METTL8: variants seen among roughly 807,000 people sequenced by gnomAD.
METTL8 encodes tRNA N(3)-cytidine methyltransferase METTL8, mitochondrial.
Under a neutral mutation model 48.7 loss-of-function variants are expected in METTL8, and 32 were observed. The observed-to-expected ratio is 0.66, with a 90% CI of 0.50 to 0.88. The LOEUF (loss-of-function observed/expected upper bound fraction) is 0.88, where lower values mean the gene tolerates loss of function less well. Ranked by LOEUF, METTL8 falls within the 40% of genes least tolerant of loss-of-function variation. METTL8 has a pLI of 0.00. For synonymous variants in METTL8, 136 were observed against 157.1 expected (o/e 0.87, Z 1.01); for missense variants, 464 against 474.4 (o/e 0.98, Z 0.20).
chr2:171,340,340 A>G (rs1042421177), intron 3 of METTL8, among the ~76,000 whole-genome samples: 3 of 151,712 alleles, frequency 2.0e-5, no homozygotes, highest in Non-Finnish European at 4.4e-5. Context: ...CATCTCTACT[A>G]AAAAAATAAA....
At chr2:171,431,168 G>A (rs1182141666) in intron 1 of METTL8, among the ~76,000 whole-genome samples, 1 of 152,198 alleles carries the variant, frequency 6.6e-6, no homozygotes, top group Non-Finnish European at 1.5e-5. Context: ...TACACCAGAT[G>A]TTTTGTGCAC....
chr2:171,384,617 C>T (rs1687870946), intron 2 of METTL8, among the ~76,000 whole-genome samples: 1 of 152,014 alleles, frequency 6.6e-6, no homozygotes, highest in South Asian at 2.1e-4. Context: ...ACTGCTTCAG[C>T]CTAGGAGTTC....
intron 1 of METTL8, among the ~76,000 whole-genome samples, chr2:171,404,396 C>A (rs1402642195): frequency 6.6e-6 from 1 of 151,932 alleles, no homozygotes; most frequent in Non-Finnish European, 1.5e-5. Context: ...ATGACGGTGT[C>A]AATGGCTGGC....
At chr2:171,357,702 T>C (rs550538771) in intron 3 of METTL8, among the ~76,000 whole-genome samples, 1 of 148,230 alleles carries the variant, frequency 6.7e-6, no homozygotes, top group African/African-American at 2.4e-5. Flanking sequence ...TTCTCTCTCT[T>C]TTTTTTTTTT....
At chr2:171,367,173 G>T (rs1685818624) in intron 2 of METTL8, among the ~76,000 whole-genome samples, 1 of 151,618 alleles carries the variant, frequency 6.6e-6, no homozygotes, top group South Asian at 2.1e-4. Context: ...GAAGAAAGAA[G>T]AAAAAGAAAT....
intron 2 of METTL8, among the ~76,000 whole-genome samples, chr2:171,387,127 A>AGCCT (rs55952977): frequency 1 from 151,966 of 152,298 alleles, 75,817 homozygotes; most frequent in Middle Eastern, 1. Flanking sequence ...GGATACAGAA[A>AGCCT]TCTGTCTTTA....
chr2:171,339,328 A>AT lies in METTL8; in HGVS notation c.461dup (p.Asn154LysfsTer4), dbSNP rs1268086760. 4 of 1,612,530 alleles carry AT rather than the reference A, an allele frequency of 2.5e-6. No individual in the cohort carries two copies. The highest frequency in any genetic ancestry group is 2.7e-5 in the African/African-American group (2 of 74,830). On this transcript the variant is annotated frameshift_variant, in exon 4 of 10. Transcript: ENST00000375258. LOFTEE classifies it high-confidence loss of function. ...AAGAACCAGAACTTTTCTCATAATGATTTTTTTCATCAGGCACAGTAGGAC... is the reference window on the plus strand; with the variant it reads ...AAGAACCAGAACTTTTCTCATAATGATTTTTTTTCATCAGGCACAGTAGGAC...
At position 171,320,403 on chromosome 2, in the gene METTL8, C is replaced by A. The variant is rs561803751; in HGVS notation, c.*3769G>T. On this transcript the variant is annotated 3_prime_UTR_variant, in exon 10 of 10. Transcript: ENST00000375258. ...TGCTGTAATACATTATAGAAAGACACGAAGCCGAATTTTACTGTGCCAGTC... is the reference window on the plus strand; with the variant it reads ...TGCTGTAATACATTATAGAAAGACAAGAAGCCGAATTTTACTGTGCCAGTC... The A allele has an allele frequency of 6.6e-6, 1 of 152,214 alleles. No individual in the cohort carries two copies. The highest frequency in any genetic ancestry group is 6.5e-5 in the Admixed American group (1 of 15,278). The allele number at this position is 152,214 out of a possible 1,614,324, so 9.4% of individuals were successfully genotyped here. A position where few individuals can be genotyped will look rare whatever the true frequency, so the allele number is the denominator to read the frequency against.
intron 1 of METTL8, among the ~76,000 whole-genome samples, chr2:171,419,349 T>C (rs1691650326): frequency 6.6e-6 from 1 of 152,172 alleles, no homozygotes; most frequent in Non-Finnish European, 1.5e-5. Context: ...TTCATCTGTA[T>C]CTATATTAAA....
Position 171,331,879 on chromosome 2 carries a change from G to A in METTL8, c.657-12C>T. 1 of 1,573,768 alleles carries A rather than the reference G, an allele frequency of 6.4e-7. No individual in the cohort carries two copies. The highest frequency in any genetic ancestry group is 1.2e-5 in the South Asian group (1 of 86,352). The stretch of plus-strand genomic sequence containing the variant: ...ACTCCGGAGAGTTCCTATGAAGATG[G>A]AAGAAATATTTATTTATTTTTTTGG... On this transcript the variant is annotated splice_polypyrimidine_tract_variant and intron_variant, in intron 5 of 9. Transcript: ENST00000375258.
chr2:171,425,104 G>A (rs1157148980), intron 1 of METTL8, among the ~76,000 whole-genome samples: 1 of 152,092 alleles, frequency 6.6e-6, no homozygotes, highest in Non-Finnish European at 1.5e-5. Flanking sequence ...GAAGAAGGGT[G>A]TGTTTGCTTC....
At chr2:171,326,172 G>C in intron 7 of METTL8, 24 bp from the exon 8 acceptor site, 4 of 1,258,062 alleles carry the variant, frequency 3.2e-6, no homozygotes, top group Non-Finnish European at 4.5e-6. Flanking sequence ...GTATTAAAAA[G>C]ATACCCAGTT....
intron 1 of METTL8, among the ~76,000 whole-genome samples, chr2:171,414,372 G>A (rs150681889): frequency 0.079 from 11,972 of 150,622 alleles, 535 homozygotes; most frequent in Non-Finnish European, 0.1. Context: ...AGCTGAGATC[G>A]CACCACTGCA....
intron 3 of METTL8, among the ~76,000 whole-genome samples, chr2:171,347,542 C>T (rs907865561): frequency 1.3e-5 from 2 of 152,120 alleles, no homozygotes. Context: ...GCAAAAAAAT[C>T]CTTGGTTTTT....
At chr2:171,371,804 A>G (rs894908419) in intron 2 of METTL8, among the ~76,000 whole-genome samples, 1 of 149,712 alleles carries the variant, frequency 6.7e-6, no homozygotes, top group Non-Finnish European at 1.5e-5. Context: ...GCTAATTTTT[A>G]AAATTTTTAA....
In METTL8 at chr2:171,315,757, GAAT is replaced by G. The variant is rs1171674619; in HGVS notation, c.*8412_*8414del. 6.6e-6 allele frequency among the ~76,000 whole-genome samples: 1 copy of G among 152,140 alleles called. No individual in the cohort carries two copies. Among genetic ancestry groups the G allele is most frequent in the East Asian group, 1.9e-4 (1 of 5,196 alleles). On this transcript the variant is annotated 3_prime_UTR_variant, in exon 10 of 10. Transcript: ENST00000375258. ...ATTATACTATACAGTTACATAACTA[GAAT>G]AAAATTTAATGTAAATGTGCCAAAG...
intron 3 of METTL8, among the ~76,000 whole-genome samples, chr2:171,340,047 A>C (rs900748095): frequency 1.3e-5 from 2 of 151,926 alleles, no homozygotes; most frequent in African/African-American, 4.8e-5. Flanking sequence ...AAATACAAAA[A>C]GTTAGCCGGA....
At chr2:171,370,616 C>T (rs557578823) in intron 2 of METTL8, among the ~76,000 whole-genome samples, 3 of 152,070 alleles carry the variant, frequency 2.0e-5, no homozygotes, top group Non-Finnish European at 4.4e-5. Context: ...ACAGTGAAAC[C>T]CCATCTCTAC....
intron 1 of METTL8, among the ~76,000 whole-genome samples, chr2:171,395,616 A>C (rs2105575042): frequency 6.6e-6 from 1 of 152,356 alleles, no homozygotes; most frequent in African/African-American, 2.4e-5. Context: ...TAATAATGAT[A>C]ATAAGCCAAT....
Sources: gnomAD v4.1 joint callset for allele counts (sites outside exome capture counted in the v4.1 genomes callset) on GRCh38, gnomAD v4.1.1 for gene constraint, MANE v1.5 for transcripts, NCBI Gene and HGNC (gene_info 2026-07-23, HGNC 2026-07-21) for gene names.